Variants in KIAA0319 observed in about 807,000 individuals in gnomAD.
KIAA0319 encodes dyslexia-associated protein KIAA0319.
In KIAA0319, 83 loss-of-function variants were observed where a neutral mutation model predicts 108.4. That is an observed-to-expected ratio of 0.77 (90% CI 0.64 to 0.92). KIAA0319 has a LOEUF of 0.92. Among genes scored for constraint, KIAA0319 ranks in the 40% least tolerant of loss-of-function variants. The pLI, the probability that KIAA0319 is intolerant of heterozygous loss-of-function variation, is 0.00. For synonymous variants in KIAA0319, 484 were observed against 510.4 expected (o/e 0.95, Z 0.70); for missense variants, 1,195 against 1,322.4 (o/e 0.90, Z 1.49).
intron 16 of KIAA0319, among the ~76,000 whole-genome samples, chr6:24,560,959 T>A (rs537225235): frequency 6.6e-6 from 1 of 152,336 alleles, no homozygotes; most frequent in Admixed American, 6.5e-5. Flanking sequence ...TGAAAGGGTG[T>A]TGGATTTTGT....
At chr6:24,568,712 G>T in intron 13 of KIAA0319, 69 bp downstream of exon 13, 2 of 1,468,736 alleles carry the variant, frequency 1.4e-6, no homozygotes, top group Non-Finnish European at 1.9e-6. Flanking sequence ...AATAGTCATG[G>T]CCTGGCTGAG....
At chr6:24,641,189 C>T (rs529623096) in intron 1 of KIAA0319, among the ~76,000 whole-genome samples, 1 of 152,316 alleles carries the variant, frequency 6.6e-6, no homozygotes, top group East Asian at 1.9e-4. Context: ...TTTCACTTAG[C>T]GTAATGCCTT....
intron 4 of KIAA0319, 71 bp from the exon 5 acceptor site, chr6:24,583,773 T>G: frequency 1.0e-6 from 1 of 954,282 alleles, no homozygotes; most frequent in Non-Finnish European, 1.6e-6. Context: ...CTACACTAGA[T>G]CTGTTTTTGG....
Position 24,568,822 on chromosome 6 carries a change from C to T in KIAA0319, c.2099G>A (p.Gly700Glu). 1 of 1,614,194 alleles carries T rather than the reference C, an allele frequency of 6.2e-7. No homozygotes were observed. Among genetic ancestry groups the T allele is most frequent in the South Asian group, 1.1e-5 (1 of 91,078 alleles). Reference sequence around the variant, plus strand: ...AGTGAGGGTGGACGTGCTGCTCAGTCCCTGCTGGTCTTTCACTGTCAAACG... The same window carrying T: ...AGTGAGGGTGGACGTGCTGCTCAGTTCCTGCTGGTCTTTCACTGTCAAACG... ...HFRLTVKDQQGLSSTSTLTVA... is the reference protein window; with the variant it reads ...HFRLTVKDQQELSSTSTLTVA... Residue 700 changes from glycine (G) to glutamate (E), a missense_variant, in exon 13 of 21, where the codon GGA becomes GAA. Transcript: ENST00000378214.
intron 4 of KIAA0319, among the ~76,000 whole-genome samples, chr6:24,585,017 A>C (rs879713476): frequency 2.0e-5 from 3 of 152,210 alleles, no homozygotes; most frequent in Non-Finnish European, 4.4e-5. Flanking sequence ...AGAGAGAGTA[A>C]TCTCCAAAAT....
intron 1 of KIAA0319, among the ~76,000 whole-genome samples, chr6:24,642,658 A>G (rs10456313): frequency 0.03 from 4,513 of 152,200 alleles, 110 homozygotes; most frequent in Middle Eastern, 0.088. Flanking sequence ...TTAGGCCTGA[A>G]TTATCCTCTT....
rs1760539966 is a variant in KIAA0319, at chr6:24,545,662, A to G, written c.*1503T>C. The G allele has an allele frequency of 6.6e-6, 1 of 152,248 alleles. No individual in the cohort carries two copies. Among genetic ancestry groups the G allele is most frequent in the Admixed American group, 6.5e-5 (1 of 15,288 alleles). 9.4% of individuals were successfully genotyped at this position (152,248 alleles called of 1,614,324 possible). A position where few individuals can be genotyped will look rare whatever the true frequency, so the allele number is the denominator to read the frequency against. The stretch of plus-strand genomic sequence containing the variant: ...ACACTTTTTAGTTCTGCCTTTCCCC[A>G]GTAAATTACAATAAGTAAAAATAAG... On this transcript the variant is annotated 3_prime_UTR_variant, in exon 21 of 21. Transcript: ENST00000378214.
rs1331455279 is a variant in KIAA0319 at position 24,564,293 on chromosome 6, A to T, written c.2340T>A (p.Asn780Lys). The T allele has an allele frequency of 2.5e-6, 4 of 1,614,132 alleles. No homozygotes were observed. The highest frequency in any genetic ancestry group is 3.4e-6 in the Non-Finnish European group (4 of 1,180,022). Residue 780 changes from asparagine (N) to lysine (K), a missense_variant, in exon 15 of 21, where the codon AAT (asparagine) becomes AAA (lysine). Physicochemically the swap from Asn to Lys is moderately conservative, Grantham distance 94 (BLOSUM62 0). Coordinates refer to ENST00000378214, the MANE Select transcript of KIAA0319 (RefSeq NM_014809.4). ...SDHSVALQLT[N>K]LVEGVYTFHL... ...GGAAAGTGTACACCCCCTCCACCAG[A>T]TTCGTAAGCTGCAGAGCCACACTGT...
At chr6:24,642,861 C>A (rs535082622) in intron 1 of KIAA0319, among the ~76,000 whole-genome samples, 6 of 152,248 alleles carry the variant, frequency 3.9e-5, no homozygotes, top group African/African-American at 1.4e-4. Flanking sequence ...GCGCCCACCA[C>A]TATGCCTGGC....
intron 2 of KIAA0319, chr6:24,598,968 A>G (rs995703426): frequency 3.2e-6 from 2 of 634,268 alleles, no homozygotes; most frequent in Non-Finnish European, 5.9e-6. Flanking sequence ...TTACATGAAC[A>G]AGGTAAAGCT....
rs1215545974 is a variant in KIAA0319 at position 24,558,371 on chromosome 6, AG to A, written c.2734+641del. On this transcript the variant is annotated intron_variant, in intron 17 of 20. Coordinates refer to ENST00000378214, the MANE Select transcript of KIAA0319 (RefSeq NM_014809.4). ...TAGATGGATATATATATATCTAGAT[AG>A]ATAGATAGATAGATAGATAGATAGA... is the stretch of plus-strand genomic sequence containing the variant. Among the ~76,000 whole-genome samples the A allele has an allele frequency of 7.7e-3, 362 of 46,934 alleles. 2 individuals carry two copies. The highest frequency in any genetic ancestry group is 0.016 in the African/African-American group (349 of 22,076). 30.8% of individuals were successfully genotyped at this position (46,934 alleles called of 152,430 possible).
At chr6:24,615,337 T>C (rs187967407) in intron 1 of KIAA0319, among the ~76,000 whole-genome samples, 103 of 152,058 alleles carry the variant, frequency 6.8e-4, no homozygotes, top group African/African-American at 2.3e-3. Context: ...CTCTAGATAT[T>C]AAGTAAAAAA....
intron 17 of KIAA0319, 98 bp from the exon 18 acceptor site, chr6:24,556,827 A>G: frequency 1.5e-6 from 2 of 1,370,190 alleles, no homozygotes; most frequent in Non-Finnish European, 1.9e-6. Context: ...CCCAAATAAA[A>G]GCATCTTGTT....
chr6:24,556,613 T>G lies in KIAA0319; in HGVS notation c.2851A>C (p.Asn951His). The G allele has an allele frequency of 6.2e-7, 1 of 1,613,930 alleles. No individual in the cohort carries two copies. Residue 951 changes from asparagine (N) to histidine (H), a missense_variant, in exon 18 of 21, where the codon AAC becomes CAC. By Grantham distance (68) the Asn-to-His change is moderately conservative. Coordinates refer to ENST00000378214, the MANE Select transcript of KIAA0319 (RefSeq NM_014809.4). ...CCTCTATACCAGAACTCACCACAGT[T>G]GCTCTCTCCATCCCAGATATAACGC... is the stretch of plus-strand genomic sequence containing the variant. Reference protein sequence around the residue: ...IQRYIWDGESNCEWSIFYVTV... With the variant: ...IQRYIWDGESHCEWSIFYVTV...
chr6:24,569,847 G>GATAA, intron 12 of KIAA0319, 56 bp downstream of exon 12: 1 of 1,582,254 alleles, frequency 6.3e-7, no homozygotes, highest in South Asian at 1.1e-5. Flanking sequence ...CCAGAGAAGG[G>GATAA]ATAATATTAG....
chr6:24,553,340 CAT>C lies in KIAA0319; in HGVS notation c.2948+1199_2948+1200del, dbSNP rs71542684. ...ACACACACACACACACACACACGCA[CAT>C]ATATATATATATATATCTGTATGTA... is the stretch of plus-strand genomic sequence containing the variant. On this transcript the variant is annotated intron_variant, in intron 19 of 20. Transcript: ENST00000378214. 1.6e-4 allele frequency among the ~76,000 whole-genome samples: 20 copies of C among 125,832 alleles called. No individual in the cohort carries two copies. The South Asian group carries it at 2.5e-3, about 16-fold the overall frequency. The allele number at this position is 125,832 out of a possible 152,430, so 82.6% of individuals were successfully genotyped here. A position where few individuals can be genotyped will look rare whatever the true frequency, so the allele number is the denominator to read the frequency against.
chr6:24,541,974 T>C (rs980452297), downstream of KIAA0319, among the ~76,000 whole-genome samples: 2 of 152,198 alleles, frequency 1.3e-5, no homozygotes, highest in Non-Finnish European at 2.9e-5. Context: ...ACTCCGTCGC[T>C]ACTAAAAATA....
chr6:24,643,586 G>A (rs940163143), intron 1 of KIAA0319, among the ~76,000 whole-genome samples: 1 of 152,090 alleles, frequency 6.6e-6, no homozygotes, highest in Non-Finnish European at 1.5e-5. Context: ...TTATAAAGGT[G>A]CTGCAAGGAA....
intron 11 of KIAA0319, 64 bp downstream of exon 11, chr6:24,572,511 C>T: frequency 6.4e-7 from 1 of 1,573,776 alleles, no homozygotes; most frequent in Non-Finnish European, 8.6e-7. Flanking sequence ...TCTCCAAACC[C>T]CAGAAGCCCA....
Sources: gnomAD v4.1 joint callset for allele counts (sites outside exome capture counted in the v4.1 genomes callset) on GRCh38, gnomAD v4.1.1 for gene constraint, MANE v1.5 for transcripts, NCBI Gene and HGNC (gene_info 2026-07-23, HGNC 2026-07-21) for gene names.